TEAD1: variants seen among roughly 807,000 people sequenced by gnomAD.
TEAD1 encodes TEA domain transcription factor 1, also known as transcriptional enhancer factor TEF-1.
TEAD1 carries 9 observed loss-of-function variants against 54.9 expected under a neutral mutation model. That is an observed-to-expected ratio of 0.16 (90% CI 0.10 to 0.29). TEAD1 has a LOEUF of 0.29. Ranked by LOEUF, TEAD1 falls within the 10% of genes least tolerant of loss-of-function variation. The pLI is 1.00. For synonymous variants in TEAD1, 200 were observed against 187.8 expected, an observed-to-expected ratio of 1.07 and a Z score of -0.53; for missense variants, 387 against 535.9, an observed-to-expected ratio of 0.72 and a Z score of 2.74.
At chr11:12,893,084 G>A (rs768893862) in intron 9 of TEAD1, among the ~76,000 whole-genome samples, 6 of 152,194 alleles carry the variant, frequency 3.9e-5, no homozygotes, top group African/African-American at 4.8e-5. Context: ...AAAAATAGCA[G>A]AGCCTAGATA....
chr11:12,736,514 A>G (rs997760428), intron 2 of TEAD1, among the ~76,000 whole-genome samples: 3 of 152,228 alleles, frequency 2.0e-5, no homozygotes, highest in Admixed American at 2.0e-4. Flanking sequence ...TCCTTTGAAG[A>G]TGCAATTTAT....
intron 3 of TEAD1, among the ~76,000 whole-genome samples, chr11:12,837,133 A>C (rs1184702555): frequency 6.6e-6 from 1 of 152,206 alleles, no homozygotes; most frequent in Non-Finnish European, 1.5e-5. Context: ...ATAATGTCCA[A>C]AAGTTTATGC....
At chr11:12,843,321 C>T (rs1204512071) in intron 3 of TEAD1, among the ~76,000 whole-genome samples, 5 of 152,226 alleles carry the variant, frequency 3.3e-5, no homozygotes, top group Non-Finnish European at 7.3e-5. Context: ...TTATGTCACA[C>T]TAAAGTAGAA....
chr11:12,709,358 A>C (rs972460304), intron 2 of TEAD1, among the ~76,000 whole-genome samples: 11 of 147,568 alleles, frequency 7.5e-5, no homozygotes, highest in South Asian at 2.1e-4. Context: ...AAAAAAAAAA[A>C]CCAGAATAAT....
intron 2 of TEAD1, among the ~76,000 whole-genome samples, chr11:12,689,747 C>T (rs558852037): frequency 6.6e-6 from 1 of 152,238 alleles, no homozygotes; most frequent in South Asian, 2.1e-4. Context: ...AACCCCTGTG[C>T]ACCCATTATC....
intron 2 of TEAD1, among the ~76,000 whole-genome samples, chr11:12,751,285 C>CAA (rs67548037): frequency 3.6e-5 from 4 of 112,614 alleles, no homozygotes; most frequent in Non-Finnish European, 5.8e-5. Flanking sequence ...CAACCTGACT[C>CAA]AAAAAAAAAA....
At position 12,943,388 on chromosome 11, in the gene TEAD1, T is replaced by C. The variant is rs1299325712; in HGVS notation, c.*6166T>C. ...TTTTCTCTCTCAAAGCCGTTGCTTA[T>C]ATCGTTAAGAATGAAGGTTTGTGTT... On this transcript the variant is annotated 3_prime_UTR_variant, in exon 13 of 13. Coordinates refer to ENST00000527636, the MANE Select transcript of TEAD1 (RefSeq NM_021961.6). 1 of 152,660 alleles carries C rather than the reference T, an allele frequency of 6.6e-6. No individual in the cohort carries two copies. The highest frequency in any genetic ancestry group is 1.9e-4 in the East Asian group (1 of 5,202). The allele number at this position is 152,660 out of a possible 1,614,324, so 9.5% of individuals were successfully genotyped here.
chr11:12,733,760 TATA>T (rs1944468981), intron 2 of TEAD1, among the ~76,000 whole-genome samples: 1 of 152,240 alleles, frequency 6.6e-6, no homozygotes, highest in African/African-American at 2.4e-5. Context: ...TCTAGTGCCA[TATA>T]ATGATGTTTC....
intron 2 of TEAD1, among the ~76,000 whole-genome samples, chr11:12,677,150 G>A (rs2133805062): frequency 6.6e-6 from 1 of 152,134 alleles, no homozygotes; most frequent in East Asian, 1.9e-4. Context: ...TTGGAGGGTT[G>A]GAGGGTTTTT....
intron 10 of TEAD1, among the ~76,000 whole-genome samples, chr11:12,902,928 C>A (rs1441533720): frequency 1.3e-5 from 2 of 152,092 alleles, no homozygotes; most frequent in East Asian, 3.9e-4. Context: ...TATAATAGAA[C>A]CTTCCCCATT....
At chr11:12,852,192 G>T (rs1034258796) in intron 3 of TEAD1, among the ~76,000 whole-genome samples, 1 of 151,876 alleles carries the variant, frequency 6.6e-6, no homozygotes. Flanking sequence ...CCACATTCTA[G>T]AATAGAGGAG....
Position 12,864,877 on chromosome 11 carries a change from C to T in TEAD1, c.307C>T (p.Arg103Cys). 1 of 1,614,096 alleles carries T rather than the reference C, an allele frequency of 6.2e-7. No individual in the cohort carries two copies. The highest frequency in any genetic ancestry group is 8.5e-7 in the Non-Finnish European group (1 of 1,180,018). Residue 103 changes from arginine (R) to cysteine (C), a missense_variant, in exon 5 of 13, where the codon CGT (arginine) becomes TGT (cysteine). This residue lies in a region of TEAD1 where 22 missense variants were observed against 43.2 expected (regional missense o/e 0.51). Coordinates refer to ENST00000527636, the MANE Select transcript of TEAD1 (RefSeq NM_021961.6). ...TCAGGTTCTTGCCAGAAGGAAATCTCGTGATTTTCATTCCAAGCTAAAGGT... is the reference window on the plus strand; with the variant it reads ...TCAGGTTCTTGCCAGAAGGAAATCTTGTGATTTTCATTCCAAGCTAAAGGT...
intron 5 of TEAD1, among the ~76,000 whole-genome samples, chr11:12,873,134 C>G (rs1947787407): frequency 6.6e-6 from 1 of 152,176 alleles, no homozygotes; most frequent in African/African-American, 2.4e-5. Context: ...CATTGTCTCC[C>G]TCCACTGAGC....
intron 2 of TEAD1, among the ~76,000 whole-genome samples, chr11:12,761,097 G>A (rs1175292476): frequency 6.6e-6 from 1 of 152,158 alleles, no homozygotes; most frequent in African/African-American, 2.4e-5. Context: ...TGCAGTAAAC[G>A]AATAAAAACG....
chr11:12,923,981 G>C (rs1948861365), intron 10 of TEAD1, among the ~76,000 whole-genome samples: 1 of 152,198 alleles, frequency 6.6e-6, no homozygotes, highest in Admixed American at 6.5e-5. Flanking sequence ...ATTTCTCTCT[G>C]AAGCACAGTG....
chr11:12,808,100 G>A (rs533742450), intron 3 of TEAD1, among the ~76,000 whole-genome samples: 1 of 152,232 alleles, frequency 6.6e-6, no homozygotes, highest in African/African-American at 2.4e-5. Flanking sequence ...AAGATGAGAA[G>A]GAAAATTATT....
intron 2 of TEAD1, among the ~76,000 whole-genome samples, chr11:12,734,542 CT>C (rs1328743172): frequency 6.6e-6 from 1 of 152,234 alleles, no homozygotes; most frequent in Non-Finnish European, 1.5e-5. Context: ...CCCAGAGCAA[CT>C]TCCAGTTCTG....
At chr11:12,828,224 G>A (rs1375233515) in intron 3 of TEAD1, 1 of 152,206 alleles carries the variant, frequency 6.6e-6, no homozygotes, top group East Asian at 1.9e-4. Context: ...GATTCACAAG[G>A]ACGCTAATTA....
In TEAD1 at chr11:12,802,446, C is replaced by T. The variant is rs142584116; in HGVS notation, c.202+38012C>T. Among the ~76,000 whole-genome samples the T allele has an allele frequency of 8.6e-3, 1,303 of 152,090 alleles. 22 individuals are homozygous for T. Among genetic ancestry groups the T allele is most frequent in the African/African-American group, 0.03 (1,234 of 41,482 alleles). ...TATCTCTGCCCTTTGAACTTAAAGC[C>T]CATAAAGTAAAATATATAGTTTAAA... On this transcript the variant is annotated intron_variant, in intron 3 of 12. Coordinates refer to ENST00000527636, the MANE Select transcript of TEAD1 (RefSeq NM_021961.6).
Sources: allele counts gnomAD v4.1 joint callset (sites outside exome capture counted in the v4.1 genomes callset), GRCh38; gene constraint gnomAD v4.1.1; regional missense constraint gnomAD v4.1.1; transcripts MANE v1.5; gene names NCBI Gene and HGNC (gene_info 2026-07-23, HGNC 2026-07-21).